Variants in SEMA3A observed in about 807,000 individuals in gnomAD.
SEMA3A encodes semaphorin-3A.
A neutral mutation model predicts 97.9 loss-of-function variants in SEMA3A; 29 were observed. The ratio of observed to expected loss-of-function variants is 0.30; its 90% CI spans 0.22 to 0.40. SEMA3A has a LOEUF of 0.40. Ranked by LOEUF, SEMA3A falls within the 10% of genes least tolerant of loss-of-function variation. The pLI, the probability that SEMA3A is intolerant of heterozygous loss-of-function variation, is 1.00. For missense variants in SEMA3A, 763 were observed against 951.3 expected (o/e 0.80, Z 2.60); for synonymous variants, 321 against 323.7 (o/e 0.99, Z 0.09).
chr7:84,266,093 T>C (rs571767414), intron 3 of SEMA3A, among the ~76,000 whole-genome samples: 108 of 151,478 alleles, frequency 7.1e-4, no homozygotes, highest in African/African-American at 2.6e-3. Context: ...CCAAGGTGAG[T>C]GGATTACCTG....
rs371609478 is a variant in SEMA3A at position 84,238,279 on chromosome 7, C to T, written c.-82-43611G>A. Among the ~76,000 whole-genome samples, 9 of 152,182 alleles carry T rather than the reference C, an allele frequency of 5.9e-5. 1 individual carries two copies. Among genetic ancestry groups the T allele is most frequent in the Admixed American group, 1.3e-4 (2 of 15,288 alleles). ...ACAAGATTTCACCAAGTTGGCCAGG[C>T]TGGCCTTGAACTCCTGACCTCAGGT... On this transcript the variant is annotated intron_variant, in intron 3 of 3. Coordinates refer to the SEMA3A transcript ENST00000424555.
At chr7:84,480,693 T>G (rs1371784303) in intron 1 of SEMA3A, among the ~76,000 whole-genome samples, 1 of 152,144 alleles carries the variant, frequency 6.6e-6, no homozygotes, top group African/African-American at 2.4e-5. Flanking sequence ...GTTTTTGAAT[T>G]GGAAGTGTCC....
chr7:84,108,765 C>T (rs962533982), intron 4 of SEMA3A, among the ~76,000 whole-genome samples: 3 of 151,966 alleles, frequency 2.0e-5, no homozygotes, highest in African/African-American at 7.2e-5. Context: ...ATTAGCCGGA[C>T]ATGTCGGCTT....
At chr7:84,100,661 T>G (rs1794933870) in intron 4 of SEMA3A, among the ~76,000 whole-genome samples, 1 of 152,282 alleles carries the variant, frequency 6.6e-6, no homozygotes, top group East Asian at 1.9e-4. Context: ...GTGTTCATAT[T>G]CCTTACAATC....
At position 84,376,764 on chromosome 7, in the gene SEMA3A, T is replaced by A. The variant is rs200265265; in HGVS notation, c.-245-4864A>T. Among the ~76,000 whole-genome samples the A allele has an allele frequency of 2.6e-5, 4 of 152,124 alleles. No homozygotes were observed. The East Asian group carries it at 7.7e-4, about 29-fold the overall frequency. On this transcript the variant is annotated intron_variant, in intron 1 of 3. Transcript: ENST00000424555. ...CTGATGATTAGCAATGTTAAGCATTTGTTCATATATTTTTATGATGTTTGT... is the reference window on the plus strand; with the variant it reads ...CTGATGATTAGCAATGTTAAGCATTAGTTCATATATTTTTATGATGTTTGT...
At chr7:84,356,574 A>G (rs1395053433) in intron 2 of SEMA3A, among the ~76,000 whole-genome samples, 1 of 151,790 alleles carries the variant, frequency 6.6e-6, no homozygotes, top group Non-Finnish European at 1.5e-5. Flanking sequence ...ATTGAATTCC[A>G]TAAAGTAAAA....
At chr7:84,293,836 T>A (rs1044411281) in intron 3 of SEMA3A, among the ~76,000 whole-genome samples, 5 of 152,046 alleles carry the variant, frequency 3.3e-5, no homozygotes, top group Non-Finnish European at 7.4e-5. Context: ...GTTTCCAAGG[T>A]TAACAACAGC....
chr7:84,223,454 T>C (rs886605729), intron 3 of SEMA3A, among the ~76,000 whole-genome samples: 6 of 151,880 alleles, frequency 4.0e-5, no homozygotes, highest in Admixed American at 3.3e-4. Flanking sequence ...ATCTTACTGA[T>C]AGAATCTCTT....
intron 7 of SEMA3A, among the ~76,000 whole-genome samples, chr7:84,012,146 A>G (rs1360500843): frequency 1.3e-5 from 2 of 152,136 alleles, no homozygotes; most frequent in Non-Finnish European, 2.9e-5. Context: ...AGTTTAAGAG[A>G]TCTATTGTAC....
In SEMA3A at chr7:84,250,940, C is replaced by T. The variant is rs111251570; in HGVS notation, c.-83+56267G>A. Among the ~76,000 whole-genome samples, 5 of 152,150 alleles carry T rather than the reference C, an allele frequency of 3.3e-5. 1 individual carries two copies. The highest frequency in any genetic ancestry group is 1.2e-4 in the African/African-American group (5 of 41,506). On this transcript the variant is annotated intron_variant, in intron 3 of 3. Coordinates refer to the SEMA3A transcript ENST00000424555. The stretch of plus-strand genomic sequence containing the variant: ...TTTCTATTCAATTTGACAAAGTATG[C>T]GTATGTCCAGCACGCAGATAATCTC...
At chr7:84,075,296 C>T (rs1332387880) in intron 4 of SEMA3A, among the ~76,000 whole-genome samples, 2 of 151,506 alleles carry the variant, frequency 1.3e-5, no homozygotes, top group Non-Finnish European at 2.9e-5. Context: ...GCCTCAGCCT[C>T]CCGAGTAGCT....
At chr7:84,042,998 G>C (rs1426221433) in intron 6 of SEMA3A, among the ~76,000 whole-genome samples, 3 of 151,782 alleles carry the variant, frequency 2.0e-5, no homozygotes, top group Non-Finnish European at 2.9e-5. Flanking sequence ...GCTGAAATTG[G>C]AATTGAAATT....
chr7:84,272,920 A>C, intron 3 of SEMA3A, among the ~76,000 whole-genome samples: 1 of 152,238 alleles, frequency 6.6e-6, no homozygotes, highest in South Asian at 2.1e-4. Context: ...TAATAGCAAC[A>C]ATGATAATTT....
At chr7:84,306,460 A>G (rs1801156835) in intron 3 of SEMA3A, 2 of 152,118 alleles carry the variant, frequency 1.3e-5, no homozygotes, top group African/African-American at 2.4e-5. Flanking sequence ...TAACAGTCCC[A>G]TACAATATAG....
intron 1 of SEMA3A, among the ~76,000 whole-genome samples, chr7:84,184,673 T>C (rs545403627): frequency 4.6e-5 from 7 of 152,108 alleles, no homozygotes; most frequent in East Asian, 1.9e-4. Flanking sequence ...GGCAATTATA[T>C]TGGGGGAATC....
chr7:84,044,960 A>G (rs1041591479), intron 6 of SEMA3A, among the ~76,000 whole-genome samples: 1 of 152,060 alleles, frequency 6.6e-6, no homozygotes, highest in Non-Finnish European at 1.5e-5. Flanking sequence ...CACATGGAAA[A>G]TTATAGGACA....
chr7:83,959,845 A>G lies in SEMA3A; in HGVS notation c.*1526T>C, dbSNP rs1334239050. On this transcript the variant is annotated 3_prime_UTR_variant, in exon 17 of 17. Coordinates refer to ENST00000265362, the MANE Select transcript of SEMA3A (RefSeq NM_006080.3). ...AATGCTGAAAGTTTTAAATATCTCA[A>G]AGTCAGTGATTCTCAACGAATCGTC... 3 of 152,098 alleles carry G rather than the reference A, an allele frequency of 2.0e-5. No homozygotes were observed. The highest frequency in any genetic ancestry group is 6.6e-5 in the Admixed American group (1 of 15,260). 9.4% of individuals were successfully genotyped at this position (152,098 alleles called of 1,614,324 possible).
At chr7:84,038,756 G>T (rs1363954006) in intron 6 of SEMA3A, among the ~76,000 whole-genome samples, 3 of 152,042 alleles carry the variant, frequency 2.0e-5, no homozygotes, top group Non-Finnish European at 4.4e-5. Context: ...TAACCTAATT[G>T]TTTATTTAAG....
intron 5 of SEMA3A, among the ~76,000 whole-genome samples, chr7:84,050,996 G>T (rs979148312): frequency 6.6e-6 from 1 of 151,600 alleles, no homozygotes; most frequent in African/African-American, 2.4e-5. Flanking sequence ...TTTTTCTCAG[G>T]TTTGTCAAAG....
Sources: allele counts gnomAD v4.1 joint callset (sites outside exome capture counted in the v4.1 genomes callset), GRCh38; gene constraint gnomAD v4.1.1; transcripts MANE v1.5; gene names NCBI Gene and HGNC (gene_info 2026-07-23, HGNC 2026-07-21).